MAGI3: variants seen among roughly 807,000 people sequenced by gnomAD.
MAGI3 encodes the protein membrane-associated guanylate kinase, WW and PDZ domain-containing protein 3.
A neutral mutation model predicts 121.8 loss-of-function variants in MAGI3; 43 were observed. The ratio of observed to expected loss-of-function variants is 0.35; its 90% CI spans 0.28 to 0.46. The LOEUF is 0.46. Among genes scored for constraint, MAGI3 ranks in the 20% least tolerant of loss-of-function variants. MAGI3 has a pLI of 1.00. For synonymous variants in MAGI3, 553 were observed against 639.3 expected, an observed-to-expected ratio of 0.86 and a Z score of 2.04; for missense variants, 1,547 against 1,797.3, an observed-to-expected ratio of 0.86 and a Z score of 2.52.
At position 113,622,865 on chromosome 1, in the gene MAGI3, G is replaced by A; in HGVS notation, c.1231G>A (p.Ala411Thr). 1.2e-6 allele frequency: 2 copies of A among 1,600,412 alleles called. No homozygotes were observed. The highest frequency in any genetic ancestry group is 1.4e-5 in the African/African-American group (1 of 74,004). Residue 411 changes from alanine to threonine, a missense_variant, in exon 9 of 21, where the codon GCA (alanine) becomes ACA (threonine). Transcript: ENST00000307546. ...CCAGCTTAAAGGTGTCCTTGTTCGA[G>A]CATCACTGAAAAAAAGCACAATGGG... ...PSQLKGVLVR[A>T]SLKKSTMGFG... is the part of the protein sequence containing the mutation.
chr1:113,651,058 T>C lies in MAGI3; in HGVS notation c.2292T>C (p.Asp764=), dbSNP rs951252500. The C allele has an allele frequency of 6.2e-7, 1 of 1,614,180 alleles. No individual in the cohort carries two copies. The highest frequency in any genetic ancestry group is 2.2e-5 in the East Asian group (1 of 44,888). The change falls in exon 14 of 21, where the codon GAT becomes GAC. Residue 764 remains aspartate (D), a synonymous_variant. Coordinates refer to ENST00000307546, the MANE Select transcript of MAGI3 (RefSeq NM_001142782.2). The part of the protein sequence containing the change: ...AIIPLGAAEK[D]GRLRAADELM... ...TTCCCCTGGGAGCAGCTGAGAAAGA[T>C]GGTCGGCTCCGCGCAGCTGATGAAC... is the stretch of plus-strand genomic sequence containing the variant.
At chr1:113,533,884 G>A (rs578047831) in intron 1 of MAGI3, among the ~76,000 whole-genome samples, 1 of 150,670 alleles carries the variant, frequency 6.6e-6, no homozygotes, top group Non-Finnish European at 1.5e-5. Context: ...CTTGGGACAC[G>A]GTGAATATTA....
At chr1:113,580,421 T>G in intron 2 of MAGI3, 121 bp from the exon 3 acceptor site, 1 of 775,324 alleles carries the variant, frequency 1.3e-6, no homozygotes, top group Non-Finnish European at 1.9e-6. Context: ...CTTAATAAAG[T>G]TGGGGCAGGG....
chr1:113,580,770 C>A, intron 3 of MAGI3, 109 bp downstream of exon 3: 1 of 1,103,922 alleles, frequency 9.1e-7, no homozygotes, highest in East Asian at 2.9e-5. Flanking sequence ...AACTTTTTTT[C>A]CTCTCTGTTT....
chr1:113,632,670 G>C (rs936791880), intron 9 of MAGI3, among the ~76,000 whole-genome samples: 4 of 152,186 alleles, frequency 2.6e-5, no homozygotes, highest in Admixed American at 6.5e-5. Context: ...TGCCTTGTCA[G>C]TGTCTTCAAT....
intron 2 of MAGI3, chr1:113,576,772 G>A (rs1647675408): frequency 6.6e-6 from 1 of 152,166 alleles, no homozygotes; most frequent in African/African-American, 2.4e-5. Flanking sequence ...TTGAAGTGAA[G>A]GGTAAAATCT....
chr1:113,509,355 C>CTT (rs763952179), intron 1 of MAGI3, among the ~76,000 whole-genome samples: 26 of 126,642 alleles, frequency 2.1e-4, no homozygotes, highest in Admixed American at 9.7e-4. Flanking sequence ...ATTATCTTTT[C>CTT]TTTTTTTTTT....
At chr1:113,650,985 G>C in intron 13 of MAGI3, 29 bp from the exon 14 acceptor site, 2 of 1,596,644 alleles carry the variant, frequency 1.3e-6, no homozygotes, top group Non-Finnish European at 1.7e-6. Flanking sequence ...TTACACTGTG[G>C]ACCAAACTGT....
At chr1:113,479,462 A>G (rs1249544073) in intron 1 of MAGI3, among the ~76,000 whole-genome samples, 5 of 152,198 alleles carry the variant, frequency 3.3e-5, no homozygotes, top group African/African-American at 1.2e-4. Flanking sequence ...CTGCTGAGAA[A>G]TATACTCATG....
chr1:113,587,126 G>A (rs976122977), intron 4 of MAGI3, among the ~76,000 whole-genome samples: 1 of 152,190 alleles, frequency 6.6e-6, no homozygotes. Context: ...AGTATGAACT[G>A]TAGTTGTTAG....
At chr1:113,449,659 G>C in intron 1 of MAGI3, 1 of 748,462 alleles carries the variant, frequency 1.3e-6, no homozygotes. Flanking sequence ...TCAGTATATC[G>C]ATATTGAACT....
At chr1:113,648,622 T>A (rs1227944732) in intron 12 of MAGI3, among the ~76,000 whole-genome samples, 1 of 152,138 alleles carries the variant, frequency 6.6e-6, no homozygotes, top group African/African-American at 2.4e-5. Flanking sequence ...AATCTTAGCT[T>A]CACCACTTGC....
chr1:113,491,396 A>G (rs1446084090), intron 1 of MAGI3, among the ~76,000 whole-genome samples: 1 of 152,228 alleles, frequency 6.6e-6, no homozygotes, highest in East Asian at 1.9e-4. Context: ...AGGGAGATTT[A>G]TAGCACTAAA....
At chr1:113,600,043 A>T (rs1649267308) in intron 6 of MAGI3, among the ~76,000 whole-genome samples, 1 of 152,224 alleles carries the variant, frequency 6.6e-6, no homozygotes. Flanking sequence ...AAAAACTCTC[A>T]ATAAATTAGG....
At chr1:113,562,570 A>G (rs1244897874) in intron 2 of MAGI3, among the ~76,000 whole-genome samples, 2 of 152,208 alleles carry the variant, frequency 1.3e-5, no homozygotes, top group African/African-American at 4.8e-5. Flanking sequence ...TTAGAAAAAA[A>G]CTATTTTAAA....
intron 1 of MAGI3, among the ~76,000 whole-genome samples, chr1:113,407,563 T>C (rs1446222213): frequency 7.2e-6 from 1 of 138,592 alleles, no homozygotes; most frequent in East Asian, 2.7e-4. Flanking sequence ...CCTCCATCCA[T>C]CAATCTGTCT....
chr1:113,656,645 A>G (rs1230674), intron 15 of MAGI3, among the ~76,000 whole-genome samples: 115,531 of 151,968 alleles, frequency 0.76, 44,471 homozygotes, highest in African/African-American at 0.85. Flanking sequence ...TCAAACTCCC[A>G]ACCTCAGGCA....
chr1:113,428,577 G>A (rs1217598646), intron 1 of MAGI3, among the ~76,000 whole-genome samples: 1 of 152,064 alleles, frequency 6.6e-6, no homozygotes, highest in African/African-American at 2.4e-5. Flanking sequence ...ATTTTCTAAT[G>A]ACCATATCTT....
At chr1:113,591,323 G>A (rs376294445) in intron 5 of MAGI3, among the ~76,000 whole-genome samples, 8 of 152,144 alleles carry the variant, frequency 5.3e-5, no homozygotes, top group East Asian at 3.9e-4. Context: ...ATATTCTCAC[G>A]TAGCTGTAAT....
Sources: gnomAD v4.1 joint callset for allele counts (sites outside exome capture counted in the v4.1 genomes callset) on GRCh38, gnomAD v4.1.1 for gene constraint, MANE v1.5 for transcripts, NCBI Gene and HGNC (gene_info 2026-07-23, HGNC 2026-07-21) for gene names.